The following RBFOX1 variants were observed in gnomAD, a reference collection of about 807,000 sequenced individuals.
RBFOX1 encodes RNA binding fox-1 homolog 1.
RBFOX1 carries 8 observed loss-of-function variants against 57.7 expected under a neutral mutation model. The ratio of observed to expected loss-of-function variants is 0.14; its 90% CI spans 0.08 to 0.25. The LOEUF is 0.25. Ranked by LOEUF, RBFOX1 falls within the 10% of genes least tolerant of loss-of-function variation. The probability of loss-of-function intolerance (pLI) is 1.00; values close to 1 mark genes in which losing one functional copy is unlikely to be tolerated. For synonymous variants in RBFOX1, 326 were observed against 222.4 expected, an observed-to-expected ratio of 1.47 and a Z score of -4.15; for missense variants, 611 against 548.5, an observed-to-expected ratio of 1.11 and a Z score of -1.14.
chr16:7,199,284 C>T (rs1049720283), intron 4 of RBFOX1, among the ~76,000 whole-genome samples: 5 of 152,020 alleles, frequency 3.3e-5, no homozygotes, highest in African/African-American at 1.2e-4. Flanking sequence ...ACCAAAGTGC[C>T]CTTTTATGTT....
chr16:7,331,221 GAT>G (rs2096689102), intron 4 of RBFOX1, among the ~76,000 whole-genome samples: 1 of 152,198 alleles, frequency 6.6e-6, no homozygotes, highest in Admixed American at 6.5e-5. Context: ...TTGACATTTG[GAT>G]TTAGAAAACG....
At chr16:7,211,795 T>G (rs1461411692) in intron 4 of RBFOX1, among the ~76,000 whole-genome samples, 1 of 152,174 alleles carries the variant, frequency 6.6e-6, no homozygotes, top group Non-Finnish European at 1.5e-5. Flanking sequence ...TAGGTTGCTA[T>G]GAGCTTTCAC....
chr16:7,010,260 C>G (rs892440616), intron 3 of RBFOX1, among the ~76,000 whole-genome samples: 7 of 152,202 alleles, frequency 4.6e-5, no homozygotes, highest in African/African-American at 1.7e-4. Context: ...ATGGCAAATT[C>G]TCCAGGACCA....
At chr16:5,905,050 C>T (rs989629439) in intron 4 of RBFOX1, among the ~76,000 whole-genome samples, 2 of 144,154 alleles carry the variant, frequency 1.4e-5, no homozygotes, top group Non-Finnish European at 3.0e-5. Flanking sequence ...CCATATGACT[C>T]CATATGACTG....
chr16:7,084,995 C>T (rs980189778), intron 4 of RBFOX1, among the ~76,000 whole-genome samples: 19 of 152,130 alleles, frequency 1.2e-4, no homozygotes, highest in African/African-American at 3.4e-4. Context: ...TCCATCCATC[C>T]ATGCATCCCA....
chr16:6,636,911 T>G (rs866520235), intron 2 of RBFOX1, among the ~76,000 whole-genome samples: 7 of 125,500 alleles, frequency 5.6e-5, no homozygotes, highest in Middle Eastern at 4.5e-3. Context: ...TGTATAAACA[T>G]ATATGTATAA....
chr16:7,148,347 A>G (rs2075439731), intron 4 of RBFOX1, among the ~76,000 whole-genome samples: 1 of 152,224 alleles, frequency 6.6e-6, no homozygotes, highest in Non-Finnish European at 1.5e-5. Flanking sequence ...TGATTTTAGC[A>G]TCTATACAGG....
intron 2 of RBFOX1, among the ~76,000 whole-genome samples, chr16:6,515,772 C>T (rs919665573): frequency 1.3e-5 from 2 of 152,152 alleles, no homozygotes; most frequent in Non-Finnish European, 2.9e-5. Flanking sequence ...CATACTTGCA[C>T]CTGCTGTTTC....
chr16:5,723,928 AT>A (rs1288626194), intron 3 of RBFOX1, among the ~76,000 whole-genome samples: 1 of 152,190 alleles, frequency 6.6e-6, no homozygotes, highest in East Asian at 1.9e-4. Context: ...GATGTTTCAC[AT>A]TTTTCCATTT....
At chr16:6,777,536 G>A (rs1001630358) in intron 3 of RBFOX1, among the ~76,000 whole-genome samples, 6 of 152,048 alleles carry the variant, frequency 3.9e-5, no homozygotes, top group African/African-American at 2.4e-5. Context: ...ATTTCCCTGA[G>A]GGAACTTTAG....
chr16:6,911,529 C>T (rs545994395), intron 3 of RBFOX1, among the ~76,000 whole-genome samples: 4 of 152,062 alleles, frequency 2.6e-5, no homozygotes, highest in Non-Finnish European at 5.9e-5. Context: ...TCCAAATTTC[C>T]CCTTTTTATG....
At chr16:5,768,725 A>T (rs2053874690) in intron 3 of RBFOX1, among the ~76,000 whole-genome samples, 1 of 152,136 alleles carries the variant, frequency 6.6e-6, no homozygotes, top group Non-Finnish European at 1.5e-5. Flanking sequence ...GTGCTGTTGA[A>T]ACAGGAGGTC....
At chr16:6,251,653 C>T (rs947740857) in intron 1 of RBFOX1, among the ~76,000 whole-genome samples, 7 of 152,024 alleles carry the variant, frequency 4.6e-5, no homozygotes, top group African/African-American at 1.4e-4. Flanking sequence ...AAACTCTGCT[C>T]GAAGCACAGA....
intron 4 of RBFOX1, among the ~76,000 whole-genome samples, chr16:7,223,804 G>A (rs1292380223): frequency 7.4e-6 from 1 of 134,292 alleles, no homozygotes; most frequent in Non-Finnish European, 1.6e-5. Flanking sequence ...AGAAATGGGA[G>A]CACTTCCTAA....
At chr16:7,687,725 T>C (rs1025835288) in intron 14 of RBFOX1, among the ~76,000 whole-genome samples, 13 of 152,156 alleles carry the variant, frequency 8.5e-5, no homozygotes, top group Non-Finnish European at 1.6e-4. Context: ...TTATAACTAC[T>C]GTAATTAGTA....
chr16:6,085,549 G>A (rs996056858), intron 1 of RBFOX1, among the ~76,000 whole-genome samples: 1 of 152,196 alleles, frequency 6.6e-6, no homozygotes, highest in East Asian at 1.9e-4. Flanking sequence ...GATTACAGGC[G>A]TGAGCCACTG....
chr16:6,272,536 G>A (rs1299398675), intron 1 of RBFOX1, among the ~76,000 whole-genome samples: 1 of 152,108 alleles, frequency 6.6e-6, no homozygotes, highest in East Asian at 1.9e-4. Flanking sequence ...AGATTTAATA[G>A]AATTTCTGTA....
At chr16:7,124,366 A>G (rs2067903495) in intron 4 of RBFOX1, among the ~76,000 whole-genome samples, 2 of 152,180 alleles carry the variant, frequency 1.3e-5, no homozygotes, top group South Asian at 4.1e-4. Flanking sequence ...GTAAGCCAAG[A>G]TCACAGCACT....
At chr16:7,304,880 G>T (rs547010169) in intron 4 of RBFOX1, among the ~76,000 whole-genome samples, 3 of 151,658 alleles carry the variant, frequency 2.0e-5, no homozygotes, top group African/African-American at 7.3e-5. Flanking sequence ...TGATTTAATA[G>T]AGAGTGGAAA....
Sources: gnomAD v4.1 joint callset for allele counts (sites outside exome capture counted in the v4.1 genomes callset) on GRCh38, gnomAD v4.1.1 for gene constraint, MANE v1.5 for transcripts, NCBI Gene and HGNC (gene_info 2026-07-23, HGNC 2026-07-21) for gene names.